The following FOXP1 variants were observed in gnomAD, a reference collection of about 807,000 sequenced individuals.
FOXP1 encodes forkhead box P1.
A neutral mutation model predicts 98.2 loss-of-function variants in FOXP1; 15 were observed. The ratio of observed to expected loss-of-function variants is 0.15; its 90% CI spans 0.10 to 0.24. The LOEUF (loss-of-function observed/expected upper bound fraction) is 0.24, where lower values mean the gene tolerates loss of function less well. Ranked by LOEUF, FOXP1 falls within the 10% of genes least tolerant of loss-of-function variation. The pLI is 1.00. For synonymous variants in FOXP1, 371 were observed against 314.5 expected, an observed-to-expected ratio of 1.18 and a Z score of -1.90; for missense variants, 633 against 848.5, an observed-to-expected ratio of 0.75 and a Z score of 3.15.
chr3:71,345,426 ACACACAC>A (rs2077274604), intron 4 of FOXP1, among the ~76,000 whole-genome samples: 1 of 151,696 alleles, frequency 6.6e-6, no homozygotes, highest in Non-Finnish European at 1.5e-5. Context: ...ACACACACAC[ACACACAC>A]ACACACACAC....
chr3:71,311,581 T>A (rs1446621038), intron 4 of FOXP1, among the ~76,000 whole-genome samples: 1 of 152,216 alleles, frequency 6.6e-6, no homozygotes, highest in Non-Finnish European at 1.5e-5. Context: ...AGTCCTTGAA[T>A]GGCTCTACAG....
chr3:70,973,193 C>A (rs962316116), intron 17 of FOXP1, among the ~76,000 whole-genome samples: 1 of 152,106 alleles, frequency 6.6e-6, no homozygotes, highest in African/African-American at 2.4e-5. Flanking sequence ...TTGAGAGTAT[C>A]GCCTTGTATA....
intron 4 of FOXP1, chr3:71,332,856 A>C (rs1160118534): frequency 1.3e-5 from 2 of 152,370 alleles, no homozygotes; most frequent in African/African-American, 4.8e-5. Context: ...AGGTGGGAAG[A>C]AGCAGAGGGC....
At chr3:71,354,646 A>C (rs2078034069) in intron 4 of FOXP1, among the ~76,000 whole-genome samples, 1 of 152,254 alleles carries the variant, frequency 6.6e-6, no homozygotes. Context: ...TCGGGAATCA[A>C]GGTTCTTTGC....
intron 4 of FOXP1, among the ~76,000 whole-genome samples, chr3:71,308,906 C>T (rs1034451506): frequency 6.6e-6 from 1 of 151,880 alleles, no homozygotes; most frequent in Non-Finnish European, 1.5e-5. Context: ...TATCCCTTGC[C>T]ACTGGTGACT....
chr3:71,107,508 T>C (rs911231122), intron 7 of FOXP1, among the ~76,000 whole-genome samples: 3 of 152,206 alleles, frequency 2.0e-5, no homozygotes, highest in African/African-American at 4.8e-5. Flanking sequence ...TCAAAAGTCA[T>C]GTGATAACAG....
chr3:71,238,679 A>G (rs2067000553), intron 5 of FOXP1, among the ~76,000 whole-genome samples: 1 of 152,176 alleles, frequency 6.6e-6, no homozygotes, highest in South Asian at 2.1e-4. Context: ...ACAGTTCTAG[A>G]CCACAGCTGT....
At chr3:71,161,625 C>T (rs1184870311) in intron 6 of FOXP1, among the ~76,000 whole-genome samples, 1 of 152,194 alleles carries the variant, frequency 6.6e-6, no homozygotes, top group African/African-American at 2.4e-5. Context: ...GAATGTGTGG[C>T]CACTTTTAAT....
intron 3 of FOXP1, among the ~76,000 whole-genome samples, chr3:71,397,313 A>C (rs139804013): frequency 6.6e-6 from 1 of 152,074 alleles, no homozygotes; most frequent in East Asian, 1.9e-4. Context: ...ACTTTAAGAA[A>C]GTTGCAAAAG....
At chr3:71,166,652 A>G (rs1196656288) in intron 6 of FOXP1, among the ~76,000 whole-genome samples, 1 of 152,174 alleles carries the variant, frequency 6.6e-6, no homozygotes, top group Middle Eastern at 3.2e-3. Flanking sequence ...TCTGTAAACA[A>G]AACTTGAATA....
chr3:71,262,038 C>T (rs147919869), intron 5 of FOXP1, among the ~76,000 whole-genome samples: 1,736 of 151,896 alleles, frequency 0.011, 15 homozygotes, highest in Non-Finnish European at 0.016. Context: ...GAGGCCGAGG[C>T]GGCGGGATCA....
At chr3:71,079,515 T>A (rs551901708) in intron 7 of FOXP1, among the ~76,000 whole-genome samples, 18 of 152,352 alleles carry the variant, frequency 1.2e-4, no homozygotes, top group African/African-American at 4.3e-4. Flanking sequence ...CAATTTCTAT[T>A]ATCTCTAAAT....
At chr3:71,413,292 C>CA (rs1364185381) in intron 3 of FOXP1, among the ~76,000 whole-genome samples, 3 of 89,190 alleles carry the variant, frequency 3.4e-5, no homozygotes, top group Non-Finnish European at 7.6e-5. Flanking sequence ...ACACACACAC[C>CA]CAAAACAGCC....
chr3:71,381,552 G>A (rs1291974063), intron 3 of FOXP1, among the ~76,000 whole-genome samples: 1 of 146,286 alleles, frequency 6.8e-6, no homozygotes, highest in African/African-American at 2.5e-5. Context: ...CAAGTGAGCC[G>A]CCTACCTCAG....
At chr3:70,976,183 G>A (rs2037476653) in intron 17 of FOXP1, among the ~76,000 whole-genome samples, 1 of 150,734 alleles carries the variant, frequency 6.6e-6, no homozygotes, top group African/African-American at 2.5e-5. Context: ...TGGAGTAGCT[G>A]TTGACCACAG....
At chr3:71,130,576 T>C (rs1417501987) in intron 6 of FOXP1, 2 of 1,598,454 alleles carry the variant, frequency 1.3e-6, no homozygotes, top group Non-Finnish European at 1.7e-6. Context: ...AGATGGGTTC[T>C]GGCTGTTTCT....
At chr3:71,287,452 G>GA (rs2072273074) in intron 5 of FOXP1, among the ~76,000 whole-genome samples, 2 of 152,054 alleles carry the variant, frequency 1.3e-5, no homozygotes, top group Non-Finnish European at 2.9e-5. Context: ...CAGCCTGGGC[G>GA]AAAGAGCGAG....
At chr3:71,347,765 A>C (rs2077461550) in intron 4 of FOXP1, among the ~76,000 whole-genome samples, 1 of 152,016 alleles carries the variant, frequency 6.6e-6, no homozygotes, top group African/African-American at 2.4e-5. Flanking sequence ...CATGCCTGTA[A>C]TTCCAGCTAC....
intron 2 of FOXP1, chr3:71,581,326 A>G: frequency 1.0e-6 from 1 of 985,432 alleles, no homozygotes; most frequent in Non-Finnish European, 1.2e-6. Context: ...TTTGATCTCC[A>G]GATTTTCAGA....
Sources: allele counts gnomAD v4.1 joint callset (sites outside exome capture counted in the v4.1 genomes callset), GRCh38; gene constraint gnomAD v4.1.1; transcripts MANE v1.5; gene names NCBI Gene and HGNC (gene_info 2026-07-23, HGNC 2026-07-21).